PLCB2: variants seen among roughly 807,000 people sequenced by gnomAD.
PLCB2 encodes phospholipase C beta 2, also known as 1-phosphatidylinositol 4,5-bisphosphate phosphodiesterase beta-2.
A neutral mutation model predicts 141.7 loss-of-function variants in PLCB2; 115 were observed. The ratio of observed to expected loss-of-function variants is 0.81; its 90% CI spans 0.70 to 0.95. The LOEUF (loss-of-function observed/expected upper bound fraction) is 0.95, where lower values mean the gene tolerates loss of function less well. Ranked by LOEUF, PLCB2 falls within the 40% of genes least tolerant of loss-of-function variation. PLCB2 has a pLI of 0.00. For missense variants in PLCB2, 1,403 were observed against 1,541.1 expected (o/e 0.91, Z 1.50); for synonymous variants, 603 against 595.6 (o/e 1.01, Z -0.18).
Position 40,302,191 on chromosome 15 carries a change from TG to T in PLCB2, c.453-3del. On this transcript the variant is annotated splice_polypyrimidine_tract_variant and splice_region_variant and intron_variant, in intron 5 of 31. Coordinates refer to ENST00000260402, the MANE Select transcript of PLCB2 (RefSeq NM_004573.3). ...AGCTGCATCTTGAGCTTCACAAGGC[TG>T]GGGGCAGAAAGCAGCCCGTCAAGGC... 1 of 1,613,088 alleles carries T rather than the reference TG, an allele frequency of 6.2e-7. No individual in the cohort carries two copies. Among genetic ancestry groups the T allele is most frequent in the Non-Finnish European group, 8.5e-7 (1 of 1,179,338 alleles).
intron 3 of PLCB2, 64 bp downstream of exon 3, chr15:40,303,224 C>T: frequency 8.3e-7 from 1 of 1,208,536 alleles, no homozygotes; most frequent in South Asian, 1.2e-5. Context: ...CACAGGGACC[C>T]CTGCCCTTGC....
intron 16 of PLCB2, 90 bp downstream of exon 16, chr15:40,296,206 G>A (rs73391385): frequency 2.0e-6 from 2 of 997,794 alleles, no homozygotes; most frequent in African/African-American, 1.6e-5. Context: ...TGACTCCGTG[G>A]CTGGATATTT....
chr15:40,302,067 G>A (rs1368692545), intron 6 of PLCB2, 35 bp from the exon 7 acceptor site: 3 of 1,613,892 alleles, frequency 1.9e-6, no homozygotes, highest in Non-Finnish European at 1.7e-6. Context: ...GGTACAGAGA[G>A]GAGTCAGGCC....
intron 7 of PLCB2, 32 bp from the exon 8 acceptor site, chr15:40,299,260 C>T (rs1292063366): frequency 7.0e-7 from 1 of 1,426,320 alleles, no homozygotes; most frequent in Non-Finnish European, 9.9e-7. Context: ...TGCCCCTGCC[C>T]TCACCTTCTC....
chr15:40,296,374 C>T lies in PLCB2; in HGVS notation c.1618G>A (p.Val540Met). The change falls in exon 16 of 32, where the codon GTG (valine) becomes ATG (methionine). Residue 540 changes from valine to methionine, a missense_variant. Val to Met is a conservative substitution (Grantham distance 21). Around this residue, in one of 4 missense-constraint regions of PLCB2, gnomAD observed 975 missense variants for 1,141.1 expected, o/e 0.85. Coordinates refer to ENST00000260402, the MANE Select transcript of PLCB2 (RefSeq NM_004573.3). The part of the protein sequence containing the change: ...QSDEGTAGLE[V>M]TAYEEMSSLV... Reference sequence around the variant, plus strand: ...CTGGACATCTCCTCATAAGCCGTCACTTCCAGGCCCGCTGTGCCCTAAGGA... The same window carrying T: ...CTGGACATCTCCTCATAAGCCGTCATTTCCAGGCCCGCTGTGCCCTAAGGA... 1.2e-6 allele frequency: 2 copies of T among 1,613,816 alleles called. No individual in the cohort carries two copies. The highest frequency in any genetic ancestry group is 1.7e-6 in the Non-Finnish European group (2 of 1,179,900).
chr15:40,302,120 G>A lies in PLCB2; in HGVS notation c.506+16C>T. 1 of 1,612,436 alleles carries A rather than the reference G, an allele frequency of 6.2e-7. No individual in the cohort carries two copies. Among genetic ancestry groups the A allele is most frequent in the Non-Finnish European group, 8.5e-7 (1 of 1,178,850 alleles). On this transcript the variant is annotated intron_variant, in intron 6 of 31. Transcript: ENST00000260402. ...GGGGAGCCCCTGGAAGCCTGGGGAG[G>A]GGTTGGGGGGCTCACTTCTTCACCG...
In PLCB2 at chr15:40,291,158, C is replaced by G. The variant is rs1236750691; in HGVS notation, c.2896G>C (p.Gly966Arg). 5.1e-6 allele frequency: 8 copies of G among 1,571,044 alleles called. No homozygotes were observed. Among genetic ancestry groups the G allele is most frequent in the Non-Finnish European group, 6.9e-6 (8 of 1,166,208 alleles). The change falls in exon 27 of 32, where the codon GGA becomes CGA. Residue 966 changes from glycine to arginine, a missense_variant. Around this residue, in one of 4 missense-constraint regions of PLCB2, gnomAD observed 290 missense variants for 245.9 expected, o/e 1.18. Transcript: ENST00000260402. The stretch of plus-strand genomic sequence containing the variant: ...TCAGGGCCCTCGCCCGGCGCGGCTC[C>G]GGCGCTCTCCTCGCGGGGCAGGCTC... ...KRSLPREESA[G>R]AAPGEGPEGV...
At chr15:40,305,061 A>G (rs988390868) in intron 1 of PLCB2, among the ~76,000 whole-genome samples, 2 of 152,200 alleles carry the variant, frequency 1.3e-5, no homozygotes, top group Non-Finnish European at 2.9e-5. Context: ...ATTTTAAGAA[A>G]GCTGTGTTGG....
chr15:40,285,809 TGGA>T (rs1742162840), downstream of PLCB2: 1 of 985,234 alleles, frequency 1.0e-6, no homozygotes, highest in African/African-American at 1.7e-5. Context: ...CCCCCCCAGG[TGGA>T]GGAGAGAAGC....
At chr15:40,306,065 G>A (rs1257061136) in intron 1 of PLCB2, among the ~76,000 whole-genome samples, 1 of 152,226 alleles carries the variant, frequency 6.6e-6, no homozygotes, top group Non-Finnish European at 1.5e-5. Flanking sequence ...TGGCCTTGCA[G>A]AGTTTCTTTC....
intron 7 of PLCB2, chr15:40,301,564 T>G (rs1194136151): frequency 2.8e-6 from 2 of 703,030 alleles, no homozygotes. Flanking sequence ...TCCAGATCCC[T>G]GCAGACTGCC....
chr15:40,284,545 A>G, downstream of PLCB2: 3 of 455,036 alleles, frequency 6.6e-6, no homozygotes, highest in South Asian at 4.7e-5. Context: ...CAAAAGAAAG[A>G]AGGAAGGAAT....
At chr15:40,285,484 T>A (rs114578515), downstream of PLCB2, 1,009 of 968,010 alleles carry the variant, frequency 1.0e-3, 8 homozygotes, top group African/African-American at 0.016. Context: ...TCATTTTTTT[T>A]ATTTTGTTTT....
intron 3 of PLCB2, 100 bp from the exon 4 acceptor site, chr15:40,302,709 C>G: frequency 5.4e-6 from 7 of 1,297,548 alleles, no homozygotes; most frequent in Non-Finnish European, 5.4e-6. Context: ...CTATGGCCCA[C>G]TGGGCAGAAC....
intron 16 of PLCB2, among the ~76,000 whole-genome samples, chr15:40,295,790 C>A (rs2040178223): frequency 6.6e-6 from 1 of 152,094 alleles, no homozygotes; most frequent in Non-Finnish European, 1.5e-5. Flanking sequence ...TCCAGCTGTG[C>A]ACAGGAGGAG....
rs1367267606 is a variant in PLCB2 at position 40,291,352 on chromosome 15, G to A, written c.2783C>T (p.Ala928Val). The A allele has an allele frequency of 3.3e-6, 5 of 1,524,334 alleles. No individual in the cohort carries two copies. The East Asian group carries it at 7.5e-5, about 23-fold the overall frequency. The allele number at this position is 1,524,334 out of a possible 1,614,324, so 94.4% of individuals were successfully genotyped here. Residue 928 changes from alanine to valine, a missense_variant, in exon 26 of 32, where the codon GCG (alanine) becomes GTG (valine). Physicochemically the swap from Ala to Val is moderately conservative, Grantham distance 64 (BLOSUM62 0). This residue lies in a region of PLCB2 where 290 missense variants were observed against 245.9 expected (regional missense o/e 1.18). Coordinates refer to ENST00000260402, the MANE Select transcript of PLCB2 (RefSeq NM_004573.3). ...RRWEELLQRG[A>V]AQLAELGPPG... is the part of the protein sequence containing the mutation. The stretch of plus-strand genomic sequence containing the variant: ...TGGCCCGAGCTCCGCCAGCTGCGCC[G>A]CGCCCCGCTGCAGCAGCTCCTCCCA...
At chr15:40,285,112 G>A (rs1406002406), downstream of PLCB2, among the ~76,000 whole-genome samples, 6 of 152,198 alleles carry the variant, frequency 3.9e-5, no homozygotes, top group South Asian at 6.2e-4. Context: ...CCTCTCTCCA[G>A]CTCCCAGGCT....
chr15:40,290,917 G>A, intron 27 of PLCB2, 80 bp from the exon 28 acceptor site: 1 of 1,295,444 alleles, frequency 7.7e-7, no homozygotes, highest in Non-Finnish European at 1.1e-6. Context: ...CGGTGGAGGG[G>A]AGTCGGTGAG....
Position 40,297,996 on chromosome 15 carries a change from C to A in PLCB2, c.1156-37G>T, listed in dbSNP as rs368705449. The A allele has an allele frequency of 6.8e-7, 1 of 1,460,272 alleles. No homozygotes were observed. Among genetic ancestry groups the A allele is most frequent in the East Asian group, 2.3e-5 (1 of 43,866 alleles). The allele number at this position is 1,460,272 out of a possible 1,614,324, so 90.5% of individuals were successfully genotyped here. The stretch of plus-strand genomic sequence containing the variant: ...GGAGACTCCATGAACAGAAGGTCAG[C>A]GTTCCGACTGCCTGTCTCGTGATAG... On this transcript the variant is annotated intron_variant, in intron 11 of 31. Transcript: ENST00000260402. The surrounding 1 kb of genome is among the most constrained non-coding windows in gnomAD (Gnocchi z 4.2).
Sources: gnomAD v4.1 joint callset for allele counts (sites outside exome capture counted in the v4.1 genomes callset) on GRCh38, gnomAD v4.1.1 for gene constraint, gnomAD v4.1.1 regional missense constraint, Gnocchi (gnomAD v3.1) non-coding constraint, MANE v1.5 for transcripts, NCBI Gene and HGNC (gene_info 2026-07-23, HGNC 2026-07-21) for gene names.